TRPM6: variants seen among roughly 807,000 people sequenced by gnomAD.
TRPM6 encodes the protein transient receptor potential cation channel subfamily M member 6.
TRPM6 carries 111 observed loss-of-function variants against 247.6 expected under a neutral mutation model. The observed-to-expected ratio is 0.45, with a 90% CI of 0.38 to 0.52. The LOEUF is 0.52. Among genes scored for constraint, TRPM6 ranks in the 20% least tolerant of loss-of-function variants. TRPM6 has a pLI of 0.00. For missense variants in TRPM6, 2,126 were observed against 2,421.5 expected (o/e 0.88, Z 2.56); for synonymous variants, 892 against 853.8 (o/e 1.04, Z -0.78).
intron 23 of TRPM6, among the ~76,000 whole-genome samples, chr9:74,780,029 G>A (rs993138353): frequency 4.6e-5 from 7 of 150,770 alleles, no homozygotes; most frequent in East Asian, 2.0e-4. Context: ...AAAATTAGCC[G>A]GGTGTGGTGG....
intron 2 of TRPM6, among the ~76,000 whole-genome samples, chr9:74,858,437 ACTGTC>A (rs1830594968): frequency 1.3e-5 from 2 of 152,374 alleles, no homozygotes; most frequent in Admixed American, 1.3e-4. Flanking sequence ...TGTGGCAGGC[ACTGTC>A]ACAGACACTG....
At chr9:74,824,940 G>A (rs1335866779) in intron 7 of TRPM6, among the ~76,000 whole-genome samples, 1 of 151,746 alleles carries the variant, frequency 6.6e-6, no homozygotes, top group Non-Finnish European at 1.5e-5. Flanking sequence ...GAGTCACCAA[G>A]AAGACTGGCT....
intron 13 of TRPM6, among the ~76,000 whole-genome samples, chr9:74,809,947 C>T (rs141724566): frequency 0.025 from 3,479 of 138,450 alleles, 139 homozygotes; most frequent in African/African-American, 0.083. Flanking sequence ...TCATTGCACT[C>T]CAGCCTGGGC....
chr9:74,771,406 C>T (rs1362059269), intron 25 of TRPM6, among the ~76,000 whole-genome samples: 1 of 151,942 alleles, frequency 6.6e-6, no homozygotes, highest in African/African-American at 2.4e-5. Context: ...TTTCTCTCAC[C>T]ACCTACACAC....
intron 28 of TRPM6, among the ~76,000 whole-genome samples, chr9:74,753,285 T>C (rs1225882156): frequency 6.6e-6 from 1 of 152,152 alleles, no homozygotes; most frequent in Non-Finnish European, 1.5e-5. Flanking sequence ...TTGGTTGGAT[T>C]AATTCTGAGA....
intron 3 of TRPM6, among the ~76,000 whole-genome samples, chr9:74,844,012 A>T (rs1192278671): frequency 6.6e-6 from 1 of 152,160 alleles, no homozygotes; most frequent in African/African-American, 2.4e-5. Flanking sequence ...TTTTTAAAGC[A>T]GTAGATCTCA....
At chr9:74,728,449 T>C (rs959251232) in intron 37 of TRPM6, 104 bp from the exon 38 acceptor site, 23 of 822,334 alleles carry the variant, frequency 2.8e-5, no homozygotes, top group Non-Finnish European at 4.5e-5. Context: ...CCCAGTAAAC[T>C]TGAAGGAGCC....
At chr9:74,781,647 A>C (rs1827462142) in intron 23 of TRPM6, among the ~76,000 whole-genome samples, 1 of 152,082 alleles carries the variant, frequency 6.6e-6, no homozygotes, top group Non-Finnish European at 1.5e-5. Context: ...AGAGAGAGAA[A>C]GAGAGAAAAC....
chr9:74,816,592 C>G, intron 11 of TRPM6, 77 bp downstream of exon 11: 1 of 1,186,830 alleles, frequency 8.4e-7, no homozygotes, highest in South Asian at 1.3e-5. Context: ...AATATCTCCT[C>G]TCATTTTCTC....
At chr9:74,830,412 T>G (rs1829503383) in intron 6 of TRPM6, among the ~76,000 whole-genome samples, 1 of 152,174 alleles carries the variant, frequency 6.6e-6, no homozygotes, top group African/African-American at 2.4e-5. Context: ...TTTTTTTCTT[T>G]TAGACAAGGT....
Position 74,738,390 on chromosome 9 carries a change from C to T in TRPM6, c.5776+17G>A, listed in dbSNP as rs1825759723. On this transcript the variant is annotated intron_variant, in intron 36 of 38. Transcript: ENST00000360774. ...TTGCCTCATGCTTGTTGTATCAAATCCTACATCATCAATCACCTTGCAAAT... is the reference window on the plus strand; with the variant it reads ...TTGCCTCATGCTTGTTGTATCAAATTCTACATCATCAATCACCTTGCAAAT... The T allele has an allele frequency of 1.2e-6, 2 of 1,612,896 alleles. No individual in the cohort carries two copies. The highest frequency in any genetic ancestry group is 1.3e-5 in the African/African-American group (1 of 74,854).
intron 32 of TRPM6, 88 bp from the exon 33 acceptor site, chr9:74,742,714 T>C (rs564451033): frequency 2.7e-6 from 3 of 1,117,522 alleles, no homozygotes; most frequent in East Asian, 4.9e-5. Context: ...ATTCATATAA[T>C]GCTATTTAAT....
intron 27 of TRPM6, among the ~76,000 whole-genome samples, chr9:74,759,085 C>G (rs1299028770): frequency 6.6e-6 from 1 of 151,992 alleles, no homozygotes; most frequent in Non-Finnish European, 1.5e-5. Context: ...AGTCTAAAAG[C>G]TATAAAACAT....
At chr9:74,885,775 G>T (rs1008589738) in intron 1 of TRPM6, among the ~76,000 whole-genome samples, 7 of 152,104 alleles carry the variant, frequency 4.6e-5, no homozygotes, top group African/African-American at 1.7e-4. Flanking sequence ...GAAAACTCAT[G>T]ATTTAAAACA....
intron 27 of TRPM6, among the ~76,000 whole-genome samples, 176 bp from the exon 28 acceptor site, chr9:74,755,649 T>C (rs780948494): frequency 6.6e-6 from 1 of 152,206 alleles, no homozygotes; most frequent in East Asian, 1.9e-4. Flanking sequence ...CAAGCATCCA[T>C]GTGATTTCTC....
At chr9:74,819,452 T>G (rs1385327445) in intron 9 of TRPM6, among the ~76,000 whole-genome samples, 1 of 152,180 alleles carries the variant, frequency 6.6e-6, no homozygotes, top group African/African-American at 2.4e-5. Context: ...AAGGCTGCAG[T>G]GAGCTATGAC....
At chr9:74,868,310 C>G (rs759054238) in intron 1 of TRPM6, among the ~76,000 whole-genome samples, 6 of 151,266 alleles carry the variant, frequency 4.0e-5, no homozygotes, top group Non-Finnish European at 8.8e-5. Context: ...GCCTGGCCAA[C>G]ATGATGAAAC....
chr9:74,733,814 T>C (rs1443855684), intron 36 of TRPM6, among the ~76,000 whole-genome samples: 3 of 151,812 alleles, frequency 2.0e-5, no homozygotes, highest in African/African-American at 7.3e-5. Context: ...CACCTCAGCC[T>C]CCCAAAGTGC....
intron 7 of TRPM6, among the ~76,000 whole-genome samples, chr9:74,823,982 G>T (rs764118488): frequency 6.6e-6 from 1 of 151,964 alleles, no homozygotes; most frequent in Non-Finnish European, 1.5e-5. Context: ...AAAAGGTTAA[G>T]AATGGTTAGT....
Sources: gnomAD v4.1 joint callset for allele counts (sites outside exome capture counted in the v4.1 genomes callset) on GRCh38, gnomAD v4.1.1 for gene constraint, MANE v1.5 for transcripts, NCBI Gene and HGNC (gene_info 2026-07-23, HGNC 2026-07-21) for gene names.